DACH2: variants seen among roughly 807,000 people sequenced by gnomAD.
DACH2 encodes dachshund family transcription factor 2.
DACH2 carries 17 observed loss-of-function variants against 35.8 expected under a neutral mutation model. The ratio of observed to expected loss-of-function variants is 0.48; its 90% CI spans 0.33 to 0.71. The LOEUF (loss-of-function observed/expected upper bound fraction) is 0.71, where lower values mean the gene tolerates loss of function less well. Among genes scored for constraint, DACH2 ranks in the 30% least tolerant of loss-of-function variants. DACH2 has a pLI of 0.02. For missense variants in DACH2, 469 were observed against 472.7 expected (o/e 0.99, Z 0.07); for synonymous variants, 195 against 177.3 (o/e 1.10, Z -0.79).
chrX:86,403,278 CTA>C (rs1253564365), intron 2 of DACH2, among the ~76,000 whole-genome samples: 1 of 111,783 alleles, frequency 8.9e-6, no homozygotes, highest in Admixed American at 9.5e-5. Flanking sequence ...TATTCACAAA[CTA>C]TGCATCTGTC....
At chrX:86,742,408 A>C (rs987862061) in intron 7 of DACH2, among the ~76,000 whole-genome samples, 1 of 111,250 alleles carries the variant, frequency 9.0e-6, no homozygotes, top group East Asian at 2.8e-4. Context: ...ATTCATATGT[A>C]TATATTTGTA....
intron 1 of DACH2, among the ~76,000 whole-genome samples, chrX:86,370,221 C>A (rs1340469258): frequency 9.0e-6 from 1 of 111,281 alleles, no homozygotes; most frequent in Non-Finnish European, 1.9e-5. Flanking sequence ...ATGAGCAATT[C>A]AGGGTTGGAA....
intron 1 of DACH2, among the ~76,000 whole-genome samples, chrX:86,261,776 C>A (rs1394135353): frequency 9.0e-6 from 1 of 110,883 alleles, no homozygotes; most frequent in Non-Finnish European, 1.9e-5. Flanking sequence ...AAGCTCCTTC[C>A]CATTAATAAA....
chrX:86,277,603 C>T (rs1377293239), intron 1 of DACH2, among the ~76,000 whole-genome samples: 3 of 112,238 alleles, frequency 2.7e-5, no homozygotes, highest in East Asian at 2.8e-4. Context: ...AGAGACAACT[C>T]GCAACATCAA....
chrX:86,347,870 T>C (rs143771042), intron 1 of DACH2, among the ~76,000 whole-genome samples: 2,023 of 112,154 alleles, frequency 0.018, 25 homozygotes, highest in Non-Finnish European at 0.029. Flanking sequence ...TTCCATCAGT[T>C]TATGCTAAGA....
chrX:86,268,938 A>G (rs2033764115), intron 1 of DACH2, among the ~76,000 whole-genome samples: 1 of 111,506 alleles, frequency 9.0e-6, no homozygotes, highest in Non-Finnish European at 1.9e-5. Context: ...ATCTTATAAA[A>G]TGGAGTATCC....
At chrX:86,493,785 T>G (rs1019764991) in intron 2 of DACH2, among the ~76,000 whole-genome samples, 3 of 112,010 alleles carry the variant, frequency 2.7e-5, no homozygotes, top group Non-Finnish European at 5.6e-5. Context: ...TTTAAACTAC[T>G]TATGTGTTTG....
intron 2 of DACH2, among the ~76,000 whole-genome samples, chrX:86,450,227 A>C (rs1344246166): frequency 9.1e-6 from 1 of 110,237 alleles, no homozygotes; most frequent in African/African-American, 3.3e-5. Context: ...TCCATCCTCC[A>C]TGACCCCCAA....
At chrX:86,727,200 C>T (rs979837708) in intron 6 of DACH2, among the ~76,000 whole-genome samples, 2 of 111,510 alleles carry the variant, frequency 1.8e-5, no homozygotes, top group Non-Finnish European at 3.8e-5. Flanking sequence ...TTCCATCTGA[C>T]AAATCCACTA....
At chrX:86,510,046 G>A (rs2038375522) in intron 2 of DACH2, among the ~76,000 whole-genome samples, 1 of 111,777 alleles carries the variant, frequency 8.9e-6, no homozygotes, top group African/African-American at 3.2e-5. Context: ...TTAAGAAGTA[G>A]GAAGACAAGC....
intron 2 of DACH2, among the ~76,000 whole-genome samples, chrX:86,418,500 C>A (rs2036747215): frequency 8.9e-6 from 1 of 112,115 alleles, no homozygotes; most frequent in African/African-American, 3.2e-5. Context: ...GACATGGAAG[C>A]TGCCAAGGCT....
intron 1 of DACH2, among the ~76,000 whole-genome samples, chrX:86,313,938 A>G (rs1052629818): frequency 8.9e-6 from 1 of 111,905 alleles, no homozygotes; most frequent in Non-Finnish European, 1.9e-5. Flanking sequence ...AAATGGTTTC[A>G]TTATTATTAC....
At chrX:86,711,149 G>A (rs2041273439) in intron 5 of DACH2, among the ~76,000 whole-genome samples, 1 of 111,990 alleles carries the variant, frequency 8.9e-6, no homozygotes, top group South Asian at 3.7e-4. Context: ...ACCGAGGCAG[G>A]CAGATCACTT....
At chrX:86,611,777 A>G (rs965017566) in intron 3 of DACH2, among the ~76,000 whole-genome samples, 5 of 111,221 alleles carry the variant, frequency 4.5e-5, no homozygotes, top group Non-Finnish European at 9.4e-5. Context: ...TCTACACCAC[A>G]GTGCTGCTAT....
At chrX:86,501,647 T>A (rs1265293355) in intron 2 of DACH2, among the ~76,000 whole-genome samples, 1 of 112,086 alleles carries the variant, frequency 8.9e-6, no homozygotes, top group Non-Finnish European at 1.9e-5. Flanking sequence ...CTTTTCAAAC[T>A]GAACTTGTGT....
intron 1 of DACH2, among the ~76,000 whole-genome samples, chrX:86,248,969 CAATA>C (rs1206520332): frequency 9.0e-6 from 1 of 111,262 alleles, no homozygotes; most frequent in Non-Finnish European, 1.9e-5. Context: ...ACTCCCTATT[CAATA>C]AATAGTGTTG....
chrX:86,519,268 C>T (rs944678911), intron 3 of DACH2, among the ~76,000 whole-genome samples: 1 of 111,946 alleles, frequency 8.9e-6, no homozygotes, highest in African/African-American at 3.2e-5. Flanking sequence ...GATAGTTTAT[C>T]TTTTTGATGT....
At chrX:86,667,549 A>AAAGAAAGAAAGAAGAAAG in intron 4 of DACH2, among the ~76,000 whole-genome samples, 1 of 32,415 alleles carries the variant, frequency 3.1e-5, no homozygotes, top group South Asian at 1.4e-3. Flanking sequence ...AAGAAAGAAG[A>AAAGAAAGAAAGAAGAAAG]AAGAAAGAAA....
Position 86,362,703 on chromosome X carries a change from T to C in DACH2, c.489-14121T>C, listed in dbSNP as rs187953715. Among the ~76,000 whole-genome samples the C allele has an allele frequency of 2.7e-5, 3 of 111,256 alleles. No individual in the cohort carries two copies. The East Asian group carries it at 8.5e-4, about 32-fold the overall frequency. ...TTAGACATTTAATCTCTCCCTTTTCTAGAGCCGGTGCAAACAGAACTGCTA... is the reference window on the plus strand; with the variant it reads ...TTAGACATTTAATCTCTCCCTTTTCCAGAGCCGGTGCAAACAGAACTGCTA... On this transcript the variant is annotated intron_variant, in intron 1 of 11. Transcript: ENST00000373125.
Sources: gnomAD v4.1 joint callset for allele counts (sites outside exome capture counted in the v4.1 genomes callset) on GRCh38, gnomAD v4.1.1 for gene constraint, MANE v1.5 for transcripts, NCBI Gene and HGNC (gene_info 2026-07-23, HGNC 2026-07-21) for gene names.